ACVR1B: variants seen among roughly 807,000 people sequenced by gnomAD.
ACVR1B encodes activin receptor type-1B.
In ACVR1B, 15 loss-of-function variants were observed where a neutral mutation model predicts 55.6. The ratio of observed to expected loss-of-function variants is 0.27; its 90% CI spans 0.18 to 0.42. The LOEUF (loss-of-function observed/expected upper bound fraction) is 0.42. Among genes scored for constraint, ACVR1B ranks in the 10% least tolerant of loss-of-function variants. ACVR1B has a pLI of 1.00. For synonymous variants in ACVR1B, 247 were observed against 254.6 expected, an observed-to-expected ratio of 0.97 and a Z score of 0.28; for missense variants, 359 against 670.1, an observed-to-expected ratio of 0.54 and a Z score of 5.13.
intron 2 of ACVR1B, among the ~76,000 whole-genome samples, chr12:51,976,080 G>A (rs1217266882): frequency 3.3e-5 from 5 of 152,128 alleles, no homozygotes. Context: ...ATAGTACCAC[G>A]AAATGCGTGA....
In ACVR1B at chr12:51,981,147, G is replaced by C. The variant is rs1171834445; in HGVS notation, c.759G>C (p.Thr253=). Residue 253 remains threonine, a synonymous_variant, in exon 4 of 9, where the codon ACG becomes ACC. Coordinates refer to ENST00000257963, the MANE Select transcript of ACVR1B (RefSeq NM_004302.5). ...SWFREAEIYQ[T]VMLRHENILG... is the part of the protein sequence containing the mutation. The stretch of plus-strand genomic sequence containing the variant: ...TCAGGGAAGCAGAGATATACCAGAC[G>C]GTCATGCTGCGCCATGAAAACATCC... 1 of 1,614,078 alleles carries C rather than the reference G, an allele frequency of 6.2e-7. No individual in the cohort carries two copies. Among genetic ancestry groups the C allele is most frequent in the African/African-American group, 1.3e-5 (1 of 74,992 alleles).
At chr12:51,969,717 CTG>C (rs1555159888) in intron 1 of ACVR1B, among the ~76,000 whole-genome samples, 1 of 152,154 alleles carries the variant, frequency 6.6e-6, no homozygotes, top group Non-Finnish European at 1.5e-5. Context: ...GGAATTTACA[CTG>C]TGTATAAAGA....
At chr12:51,975,625 C>G in intron 2 of ACVR1B, 121 bp downstream of exon 2, 1 of 1,336,642 alleles carries the variant, frequency 7.5e-7, no homozygotes, top group African/African-American at 1.5e-5. Context: ...TTTGGATGTT[C>G]CCGAAGGTGA....
intron 1 of ACVR1B, chr12:51,960,224 A>C (rs1383351696): frequency 6.6e-6 from 1 of 152,274 alleles, no homozygotes; most frequent in Non-Finnish European, 1.5e-5. Context: ...GTTTGAGACT[A>C]GCCTGGGCAA....
chr12:51,956,908 C>T (rs966564525), intron 1 of ACVR1B, among the ~76,000 whole-genome samples: 6 of 151,894 alleles, frequency 4.0e-5, no homozygotes, highest in African/African-American at 1.2e-4. Flanking sequence ...CTCAGGTGTA[C>T]ACCACCACAC....
chr12:51,982,253 G>A (rs1248329905), intron 4 of ACVR1B, among the ~76,000 whole-genome samples: 2 of 152,230 alleles, frequency 1.3e-5, no homozygotes, highest in Non-Finnish European at 2.9e-5. Flanking sequence ...CAAAGGTGAG[G>A]TTTGGGGCCC....
intron 1 of ACVR1B, among the ~76,000 whole-genome samples, chr12:51,956,057 T>C (rs1003922569): frequency 1.3e-5 from 2 of 152,264 alleles, no homozygotes; most frequent in African/African-American, 4.8e-5. Context: ...AGCAAAAATA[T>C]GATTTCAGAG....
At chr12:51,969,744 C>T (rs961155036) in intron 1 of ACVR1B, among the ~76,000 whole-genome samples, 4 of 152,088 alleles carry the variant, frequency 2.6e-5, no homozygotes, top group South Asian at 4.1e-4. Flanking sequence ...TCTTAGCCAG[C>T]GTGGTGGGGT....
intron 7 of ACVR1B, among the ~76,000 whole-genome samples, chr12:51,989,275 T>A (rs1273545611): frequency 1.3e-5 from 2 of 152,098 alleles, no homozygotes; most frequent in African/African-American, 2.4e-5. Flanking sequence ...TTGAGAAAAA[T>A]TAATTGGCTT....
chr12:51,990,111 T>TG (rs1490103422), intron 7 of ACVR1B, among the ~76,000 whole-genome samples: 1 of 151,584 alleles, frequency 6.6e-6, no homozygotes, highest in Non-Finnish European at 1.5e-5. Flanking sequence ...TTGGCCAACA[T>TG]GGTGAAACCC....
intron 1 of ACVR1B, among the ~76,000 whole-genome samples, chr12:51,954,332 T>G (rs1207597305): frequency 1.3e-5 from 2 of 152,246 alleles, no homozygotes; most frequent in African/African-American, 4.8e-5. Context: ...AAGGCCTGGC[T>G]TTGGAATTTT....
chr12:51,972,475 C>G lies in ACVR1B; in HGVS notation c.92-2790C>G, dbSNP rs141316975. ...GTTACATACTGTACAGGTTTCTAGC[C>G]TAGGAGCAAGAGGCTACACCACTTA... On this transcript the variant is annotated intron_variant, in intron 1 of 8. Coordinates refer to ENST00000257963, the MANE Select transcript of ACVR1B (RefSeq NM_004302.5). Among the ~76,000 whole-genome samples, 120 of 152,264 alleles carry G rather than the reference C, an allele frequency of 7.9e-4. 2 individuals carry two copies. The East Asian group carries it at 0.011, about 14-fold the overall frequency.
At chr12:51,968,355 A>G (rs924263423) in intron 1 of ACVR1B, among the ~76,000 whole-genome samples, 2 of 152,246 alleles carry the variant, frequency 1.3e-5, no homozygotes, top group Admixed American at 6.5e-5. Flanking sequence ...AAGGTTTAAA[A>G]CCAATCTTAT....
At position 51,984,206 on chromosome 12, in the gene ACVR1B, A is replaced by C. The variant is rs753866403; in HGVS notation, c.979+40A>C. ...GCAGGAGCGGCGAAGTGGTGTAGGC[A>C]TGAAAGGTCCGCAGTGTCCTGATTT... On this transcript the variant is annotated intron_variant, in intron 5 of 8. Transcript: ENST00000257963. The C allele has an allele frequency of 1.5e-5, 24 of 1,611,218 alleles. No individual in the cohort carries two copies. In the Admixed American group the frequency reaches 4.0e-4, roughly 27 times the overall value.
rs1941834839 is a variant in ACVR1B at position 51,975,636 on chromosome 12, C to T, written c.331+132C>T. 2.3e-6 allele frequency: 3 copies of T among 1,285,886 alleles called. No homozygotes were observed. In the East Asian group the frequency reaches 7.6e-5, roughly 33 times the overall value. The allele number at this position is 1,285,886 out of a possible 1,614,324, so 79.7% of individuals were successfully genotyped here. ...GCCTTTTGGATGTTCCCGAAGGTGA[C>T]AAAGGCTGGGGTTTCTCAGCAGTTG... On this transcript the variant is annotated intron_variant, in intron 2 of 8. Transcript: ENST00000257963.
At chr12:51,985,150 A>G (rs955127701) in intron 5 of ACVR1B, 42 bp from the exon 6 acceptor site, 1 of 1,570,754 alleles carries the variant, frequency 6.4e-7, no homozygotes, top group African/African-American at 1.4e-5. Context: ...TTTAACATTT[A>G]TATCATCTCT....
chr12:51,975,364 A>G lies in ACVR1B; in HGVS notation c.191A>G (p.His64Arg). ...ATTTTCAATCTGGATGGGATGGAGCACCATGTGCGCACCTGCATCCCCAAA... is the reference window on the plus strand; with the variant it reads ...ATTTTCAATCTGGATGGGATGGAGCGCCATGTGCGCACCTGCATCCCCAAA... Reference protein sequence around the residue: ...VSIFNLDGMEHHVRTCIPKVE... With the variant: ...VSIFNLDGMERHVRTCIPKVE... The change falls in exon 2 of 9, where the codon CAC becomes CGC. Residue 64 changes from histidine to arginine, a missense_variant. By Grantham distance (29) the His-to-Arg change is conservative. This residue lies in a region of ACVR1B where 133 missense variants were observed against 188.2 expected (regional missense o/e 0.71). Coordinates refer to ENST00000257963, the MANE Select transcript of ACVR1B (RefSeq NM_004302.5). 1 of 1,614,188 alleles carries G rather than the reference A, an allele frequency of 6.2e-7. No homozygotes were observed. The highest frequency in any genetic ancestry group is 8.5e-7 in the Non-Finnish European group (1 of 1,180,038).
At chr12:51,978,327 G>T (rs1306445276) in intron 3 of ACVR1B, among the ~76,000 whole-genome samples, 4 of 152,138 alleles carry the variant, frequency 2.6e-5, no homozygotes, top group Non-Finnish European at 4.4e-5. Flanking sequence ...TAGTTGTTTA[G>T]TCGTCTGTGG....
chr12:51,987,389 T>G (rs1006125368), intron 7 of ACVR1B: 28 of 441,254 alleles, frequency 6.3e-5, no homozygotes, highest in Non-Finnish European at 1.0e-4. Flanking sequence ...AGTGCATAGA[T>G]TTTTCTTAAA....
Sources: gnomAD v4.1 joint callset for allele counts (sites outside exome capture counted in the v4.1 genomes callset) on GRCh38, gnomAD v4.1.1 for gene constraint, gnomAD v4.1.1 regional missense constraint, MANE v1.5 for transcripts, NCBI Gene and HGNC (gene_info 2026-07-23, HGNC 2026-07-21) for gene names.